Variants in ZMIZ1 observed in about 807,000 individuals in gnomAD.
ZMIZ1 encodes the protein zinc finger MIZ domain-containing protein 1.
In ZMIZ1, 17 loss-of-function variants were observed where a neutral mutation model predicts 113.9. That is an observed-to-expected ratio of 0.15 (90% CI 0.10 to 0.22). ZMIZ1 has a LOEUF of 0.22. Ranked by LOEUF, ZMIZ1 falls within the 10% of genes least tolerant of loss-of-function variation. The pLI is 1.00. For synonymous variants in ZMIZ1, 607 were observed against 603.1 expected (o/e 1.01, Z -0.09); for missense variants, 1,059 against 1,477.8 (o/e 0.72, Z 4.65).
At chr10:79,175,090 G>C (rs1300992955) in intron 4 of ZMIZ1, among the ~76,000 whole-genome samples, 2 of 152,210 alleles carry the variant, frequency 1.3e-5, no homozygotes, top group South Asian at 4.1e-4. Flanking sequence ...AGAGCAAGGG[G>C]GTCCTCGCAA....
intron 7 of ZMIZ1, among the ~76,000 whole-genome samples, chr10:79,229,319 G>A (rs1230386847): frequency 6.6e-6 from 1 of 152,238 alleles, no homozygotes; most frequent in Non-Finnish European, 1.5e-5. Flanking sequence ...TGCCTGTGCT[G>A]TTCTGAGCCC....
At chr10:79,179,140 TTAC>T (rs1414240739) in intron 4 of ZMIZ1, among the ~76,000 whole-genome samples, 1 of 152,218 alleles carries the variant, frequency 6.6e-6, no homozygotes, top group Non-Finnish European at 1.5e-5. Flanking sequence ...CATAAAACAC[TTAC>T]TGTATGTGCC....
chr10:79,080,397 C>T (rs1299474085), intron 1 of ZMIZ1, among the ~76,000 whole-genome samples: 1 of 151,274 alleles, frequency 6.6e-6, no homozygotes, highest in Non-Finnish European at 1.5e-5. Context: ...GCCTCTGCCT[C>T]CCGGGTTCAA....
At chr10:79,285,925 G>T (rs571274616) in intron 8 of ZMIZ1, among the ~76,000 whole-genome samples, 4 of 152,360 alleles carry the variant, frequency 2.6e-5, no homozygotes, top group Middle Eastern at 3.4e-3. Context: ...AGGCACAGAG[G>T]CCCCTGTATT....
At chr10:79,109,509 A>T (rs1441131239) in intron 1 of ZMIZ1, among the ~76,000 whole-genome samples, 1 of 152,136 alleles carries the variant, frequency 6.6e-6, no homozygotes, top group Non-Finnish European at 1.5e-5. Context: ...TGTCCTCAGC[A>T]TCTCCACCCC....
rs116132544 is a variant in ZMIZ1 at position 79,268,156 on chromosome 10, T to A, written c.281-9025T>A. ...AGATGCTGGGAACATCTCACTAACA[T>A]GAACAGCAGCGCCGGCCCCTGAGCA... is the stretch of plus-strand genomic sequence containing the variant. On this transcript the variant is annotated intron_variant, in intron 7 of 24. Transcript: ENST00000334512. Among the ~76,000 whole-genome samples, 576 of 152,292 alleles carry A rather than the reference T, an allele frequency of 3.8e-3. 2 individuals carry two copies. The highest frequency in any genetic ancestry group is 0.013 in the African/African-American group (558 of 41,572).
intron 7 of ZMIZ1, among the ~76,000 whole-genome samples, chr10:79,236,349 A>T (rs753724046): frequency 6.6e-6 from 1 of 152,216 alleles, no homozygotes; most frequent in Non-Finnish European, 1.5e-5. Context: ...ACAGCCAGGC[A>T]GGCAGACAGT....
Position 79,069,824 on chromosome 10 carries a change from G to A in ZMIZ1, c.-337+554G>A, listed in dbSNP as rs144345570. The stretch of plus-strand genomic sequence containing the variant: ...TACACTTTTGTAAATGGGAGGTGGG[G>A]GCGCGGTTAAGTTGTTTGTGTGGGA... On this transcript the variant is annotated intron_variant, in intron 1 of 24. Transcript: ENST00000334512. The surrounding 1 kb of genome is among the most constrained non-coding windows in gnomAD (Gnocchi z 4.6). 2.1e-4 allele frequency among the ~76,000 whole-genome samples: 32 copies of A among 152,218 alleles called. No homozygotes were observed. Among genetic ancestry groups the A allele is most frequent in the Admixed American group, 1.2e-3 (18 of 15,296 alleles).
Position 79,292,895 on chromosome 10 carries a change from C to T in ZMIZ1, c.958-486C>T, listed in dbSNP as rs144382679. On this transcript the variant is annotated intron_variant, in intron 11 of 24. Coordinates refer to ENST00000334512, the MANE Select transcript of ZMIZ1 (RefSeq NM_020338.4). ...AGGTGGGAACTGCAGGGCAGAGGGG[C>T]AGAAGTGGAAGCTGGGCTGAGGCCA... The T allele has an allele frequency of 2.4e-3, 1,117 of 461,230 alleles. 26 individuals are homozygous for T. The East Asian group carries it at 0.066, about 27-fold the overall frequency. 28.6% of individuals were successfully genotyped at this position (461,230 alleles called of 1,614,324 possible).
chr10:79,293,098 G>A, intron 11 of ZMIZ1, among the ~76,000 whole-genome samples: 1 of 151,996 alleles, frequency 6.6e-6, no homozygotes, highest in East Asian at 1.9e-4. Flanking sequence ...CTCCCTCCCT[G>A]GAAATGCTGC....
chr10:79,289,897 C>T lies in ZMIZ1; in HGVS notation c.540+8C>T, dbSNP rs563953113. On this transcript the variant is annotated splice_region_variant and intron_variant, in intron 9 of 24. Coordinates refer to ENST00000334512, the MANE Select transcript of ZMIZ1 (RefSeq NM_020338.4). ...AACACATCCCAGAGCCAGGTAAGAG[C>T]CTATACTGCCCTCAGCCACAGCTCT... 6.2e-7 allele frequency: 1 copy of T among 1,611,424 alleles called. No individual in the cohort carries two copies. Among genetic ancestry groups the T allele is most frequent in the South Asian group, 1.1e-5 (1 of 90,924 alleles).
chr10:79,131,909 C>T (rs1351218216), intron 2 of ZMIZ1, among the ~76,000 whole-genome samples: 2 of 152,156 alleles, frequency 1.3e-5, no homozygotes, highest in Non-Finnish European at 2.9e-5. Flanking sequence ...AAGTTCAGAG[C>T]GCGTTCCTGA....
rs1210052779 is a variant in ZMIZ1, at chr10:79,228,787, A to C, written c.280+12513A>C. Among the ~76,000 whole-genome samples, 5 of 152,320 alleles carry C rather than the reference A, an allele frequency of 3.3e-5. No individual in the cohort carries two copies. The East Asian group carries it at 9.6e-4, about 29-fold the overall frequency. The stretch of plus-strand genomic sequence containing the variant: ...AGGCTATGTAGAGCCCAGTGCTGGA[A>C]ACCAGAATTGGGGGTAGCCTAGGAC... On this transcript the variant is annotated intron_variant, in intron 7 of 24. Coordinates refer to ENST00000334512, the MANE Select transcript of ZMIZ1 (RefSeq NM_020338.4).
intron 1 of ZMIZ1, among the ~76,000 whole-genome samples, chr10:79,109,603 G>T (rs1307197303): frequency 6.6e-6 from 1 of 152,176 alleles, no homozygotes; most frequent in Non-Finnish European, 1.5e-5. Flanking sequence ...CTGGGTTCCT[G>T]ATCCACCCTT....
intron 3 of ZMIZ1, among the ~76,000 whole-genome samples, chr10:79,150,164 GC>G (rs1382603038): frequency 6.6e-6 from 1 of 152,200 alleles, no homozygotes; most frequent in East Asian, 1.9e-4. Context: ...CCCTGGCCTG[GC>G]CCCGGGCCGC....
intron 5 of ZMIZ1, among the ~76,000 whole-genome samples, 177 bp from the exon 6 acceptor site, chr10:79,208,159 C>T (rs907894548): frequency 5.4e-5 from 8 of 148,306 alleles, no homozygotes; most frequent in South Asian, 4.3e-4. Context: ...GCAGGCATGC[C>T]GAGCACAGGG....
In ZMIZ1 at chr10:79,292,676, A is replaced by G. The variant is rs72818261; in HGVS notation, c.957+320A>G. On this transcript the variant is annotated intron_variant, in intron 11 of 24. Transcript: ENST00000334512. ...TGGCTCTCTGGGCCCCCAACTCACC[A>G]AGGAGTGGGCTCAATGTCTAAAAAT... 2,218 of 484,986 alleles carry G rather than the reference A, an allele frequency of 4.6e-3. 10 individuals are homozygous for G. The highest frequency in any genetic ancestry group is 7.4e-3 in the Non-Finnish European group (1,869 of 251,064). 30.0% of individuals were successfully genotyped at this position (484,986 alleles called of 1,614,324 possible). A position where few individuals can be genotyped will look rare whatever the true frequency, so the allele number is the denominator to read the frequency against.
In ZMIZ1 at chr10:79,192,554, C is replaced by T. The variant is rs147592723; in HGVS notation, c.-49-9030C>T. Among the ~76,000 whole-genome samples, 14 of 152,250 alleles carry T rather than the reference C, an allele frequency of 9.2e-5. No individual in the cohort carries two copies. In the East Asian group the frequency reaches 2.7e-3, roughly 29 times the overall value. On this transcript the variant is annotated intron_variant, in intron 4 of 24. Transcript: ENST00000334512. ...GAACTCTGGTGGGGCAGTGTGGAGC[C>T]GTGTCAAGTCTTGGCACAGGAGCAC...
chr10:79,120,647 C>T (rs1171927198), intron 2 of ZMIZ1, among the ~76,000 whole-genome samples: 10 of 152,150 alleles, frequency 6.6e-5, no homozygotes, highest in Non-Finnish European at 1.0e-4. Context: ...ATACGGTGGC[C>T]GCAAGGATGA....
Sources: gnomAD v4.1 joint callset for allele counts (sites outside exome capture counted in the v4.1 genomes callset) on GRCh38, gnomAD v4.1.1 for gene constraint, Gnocchi (gnomAD v3.1) non-coding constraint, MANE v1.5 for transcripts, NCBI Gene and HGNC (gene_info 2026-07-23, HGNC 2026-07-21) for gene names.